The following STEAP3 variants were observed in gnomAD, a reference collection of about 807,000 sequenced individuals.
STEAP3 encodes the protein STEAP3 metalloreductase, also known as metalloreductase STEAP3.
A neutral mutation model predicts 34.9 loss-of-function variants in STEAP3; 35 were observed. That is an observed-to-expected ratio of 1.00 (90% confidence interval 0.76 to 1.33). The LOEUF (loss-of-function observed/expected upper bound fraction) is 1.33. Among genes scored for constraint, STEAP3 ranks in the 40% most tolerant of loss-of-function variants. The pLI, the probability that STEAP3 is intolerant of heterozygous loss-of-function variation, is 0.00. For synonymous variants in STEAP3, 281 were observed against 301.6 expected (o/e 0.93, Z 0.71); for missense variants, 652 against 667.6 (o/e 0.98, Z 0.26).
At position 119,231,041 on chromosome 2, in the gene STEAP3, C is replaced by G; in HGVS notation, c.22+7C>G. The stretch of plus-strand genomic sequence containing the variant: ...TCGCACCAGCCTGCTGTTGGTAAGT[C>G]TGGCTAGGACGCAGATCCAAGGGGG... On this transcript the variant is annotated splice_region_variant and intron_variant, in intron 2 of 5. Transcript: ENST00000393110. 1 of 1,614,148 alleles carries G rather than the reference C, an allele frequency of 6.2e-7. No homozygotes were observed. The highest frequency in any genetic ancestry group is 8.5e-7 in the Non-Finnish European group (1 of 1,180,024).
At chr2:119,257,579 C>T in intron 5 of STEAP3, 5 of 1,542,638 alleles carry the variant, frequency 3.2e-6, no homozygotes, top group Non-Finnish European at 4.4e-6. Context: ...CTCGGAGCTT[C>T]TGCTGCTCAC....
chr2:119,244,255 T>C (rs1677339166), intron 2 of STEAP3, among the ~76,000 whole-genome samples: 1 of 87,790 alleles, frequency 1.1e-5, no homozygotes, highest in Non-Finnish European at 2.6e-5. Context: ...TTATTATTAT[T>C]ATTATTTTGA....
chr2:119,246,961 C>T (rs1252957700), intron 3 of STEAP3: 1 of 152,214 alleles, frequency 6.6e-6, no homozygotes, highest in Non-Finnish European at 1.5e-5. Context: ...TAGTACCTAC[C>T]TGCGGGCTCA....
intron 1 of STEAP3, among the ~76,000 whole-genome samples, chr2:119,227,200 A>G (rs1167214810): frequency 6.6e-6 from 1 of 152,244 alleles, no homozygotes; most frequent in East Asian, 1.9e-4. Flanking sequence ...TGAGTGAGCA[A>G]GGATGCAAAA....
chr2:119,254,838 G>A lies in STEAP3; in HGVS notation c.1205G>A (p.Ser402Asn), dbSNP rs760406679. Residue 402 changes from serine (S) to asparagine (N), a missense_variant, in exon 5 of 6, where the codon AGC becomes AAC. Coordinates refer to ENST00000393110, the MANE Select transcript of STEAP3 (RefSeq NM_182915.3). Reference protein sequence around the residue: ...IANSLNWREFSFVQSSLGFVA... With the variant: ...IANSLNWREFNFVQSSLGFVA... ...AACTCGCTCAACTGGAGGGAGTTCA[G>A]CTTCGTTCAGGTAAAGTAGTCTCTA... The A allele has an allele frequency of 1.4e-5, 23 of 1,613,910 alleles. No individual in the cohort carries two copies. The highest frequency in any genetic ancestry group is 5.3e-5 in the African/African-American group (4 of 74,928).
At chr2:119,240,403 T>C (rs569769143) in intron 2 of STEAP3, among the ~76,000 whole-genome samples, 3 of 152,300 alleles carry the variant, frequency 2.0e-5, no homozygotes, top group Non-Finnish European at 4.4e-5. Flanking sequence ...AGCCTCTGAT[T>C]GCCAGTGGCC....
At chr2:119,241,735 A>C (rs1425822629) in intron 2 of STEAP3, among the ~76,000 whole-genome samples, 2 of 152,218 alleles carry the variant, frequency 1.3e-5, no homozygotes, top group Non-Finnish European at 2.9e-5. Context: ...GGAAGGGAGC[A>C]GATGCCAAGT....
At chr2:119,230,509 G>A (rs1676891925) in intron 1 of STEAP3, 111 bp from the exon 2 acceptor site, 2 of 163,114 alleles carry the variant, frequency 1.2e-5, no homozygotes, top group Non-Finnish European at 2.7e-5. Flanking sequence ...TTCCCCCACA[G>A]AAATTGATAA....
At chr2:119,241,317 G>A (rs571188598) in intron 2 of STEAP3, among the ~76,000 whole-genome samples, 2 of 152,160 alleles carry the variant, frequency 1.3e-5, no homozygotes, top group East Asian at 1.9e-4. Flanking sequence ...CCCACAGCCC[G>A]TGCCTTTAAC....
chr2:119,240,160 C>T (rs1316778798), intron 2 of STEAP3, among the ~76,000 whole-genome samples: 6 of 152,164 alleles, frequency 3.9e-5, no homozygotes, highest in African/African-American at 9.7e-5. Context: ...GTCGAGATCG[C>T]GCCACTGCAC....
chr2:119,244,221 TTATTATTATTA>T (rs1259686687), intron 2 of STEAP3, among the ~76,000 whole-genome samples: 11 of 214 alleles, frequency 0.051, no homozygotes, highest in East Asian at 0.27. Flanking sequence ...TTTACTTTTA[TTATTATTATTA>T]TTATTATTAT....
intron 1 of STEAP3, among the ~76,000 whole-genome samples, chr2:119,227,611 C>A (rs1679081688): frequency 6.6e-6 from 1 of 152,090 alleles, no homozygotes; most frequent in Admixed American, 6.5e-5. Context: ...CATGTTTAAG[C>A]CTTGTTATTA....
At position 119,263,063 on chromosome 2, in the gene STEAP3, C is replaced by T. The variant is rs2104854892; in HGVS notation, c.1222C>T (p.Leu408=). 6.2e-7 allele frequency: 1 copy of T among 1,605,548 alleles called. No individual in the cohort carries two copies. The highest frequency in any genetic ancestry group is 8.5e-7 in the Non-Finnish European group (1 of 1,179,804). Residue 408 remains leucine, a synonymous_variant, in exon 6 of 6, where the codon CTG becomes TTG. Coordinates refer to ENST00000393110, the MANE Select transcript of STEAP3 (RefSeq NM_182915.3). ...CCTTTTTTTCCCTCCACAGTCCTCA[C>T]TGGGCTTTGTGGCCCTCGTGCTGAG... The part of the protein sequence containing the change: ...WREFSFVQSS[L]GFVALVLSTL...
chr2:119,241,135 T>C (rs1349590770), intron 2 of STEAP3, among the ~76,000 whole-genome samples: 2 of 151,546 alleles, frequency 1.3e-5, no homozygotes, highest in African/African-American at 4.9e-5. Context: ...AGAAATGAGC[T>C]CTGAGCTTTT....
chr2:119,230,837 A>G lies in STEAP3; in HGVS notation c.-176A>G. On this transcript the variant is annotated 5_prime_UTR_variant, in exon 2 of 6. Coordinates refer to ENST00000393110, the MANE Select transcript of STEAP3 (RefSeq NM_182915.3). Reference sequence around the variant, plus strand: ...CCCCTGTGGCCAAGAGCTGGCGTGCAGGCTGCGGGAGGCAGCTGGCTGTGC... The same window carrying G: ...CCCCTGTGGCCAAGAGCTGGCGTGCGGGCTGCGGGAGGCAGCTGGCTGTGC... The G allele has an allele frequency of 1.3e-6, 1 of 757,234 alleles. No individual in the cohort carries two copies. Among genetic ancestry groups the G allele is most frequent in the Admixed American group, 2.1e-5 (1 of 47,484 alleles). 46.9% of individuals were successfully genotyped at this position (757,234 alleles called of 1,614,324 possible).
Position 119,254,853 on chromosome 2 carries a change from A to G in STEAP3, c.1215+5A>G, listed in dbSNP as rs1166281267. On this transcript the variant is annotated splice_donor_5th_base_variant and intron_variant, in intron 5 of 5. Transcript: ENST00000393110. ...AGGGAGTTCAGCTTCGTTCAGGTAA[A>G]GTAGTCTCTAGTCTGCCAGCCAGCT... The G allele has an allele frequency of 6.2e-7, 1 of 1,612,900 alleles. No homozygotes were observed. Among genetic ancestry groups the G allele is most frequent in the Non-Finnish European group, 8.5e-7 (1 of 1,179,208 alleles).
At chr2:119,227,163 A>G (rs1403747082) in intron 1 of STEAP3, among the ~76,000 whole-genome samples, 1 of 151,936 alleles carries the variant, frequency 6.6e-6, no homozygotes, top group Non-Finnish European at 1.5e-5. Context: ...ACACGGTGGC[A>G]GTAAGGCTCA....
At chr2:119,239,903 C>T (rs568242079) in intron 2 of STEAP3, among the ~76,000 whole-genome samples, 3 of 152,136 alleles carry the variant, frequency 2.0e-5, no homozygotes, top group Non-Finnish European at 4.4e-5. Context: ...TTACTTATAC[C>T]ACATACAACG....
At position 119,248,010 on chromosome 2, in the gene STEAP3, T is replaced by C. The variant is rs931868085; in HGVS notation, c.854T>C (p.Val285Ala). Residue 285 changes from valine to alanine, a missense_variant, in exon 4 of 6, where the codon GTG (valine) becomes GCG (alanine). By Grantham distance (64) the Val-to-Ala change is moderately conservative. Transcript: ENST00000393110. ...VLLSLVYLPG[V>A]LAAALQLRRG... ...CTGTCACTCGTGTACTTGCCCGGCG[T>C]GCTGGCGGCTGCCCTGCAGCTGCGG... is the stretch of plus-strand genomic sequence containing the variant. 1.2e-6 allele frequency: 2 copies of C among 1,610,886 alleles called. No individual in the cohort carries two copies. The highest frequency in any genetic ancestry group is 1.3e-5 in the African/African-American group (1 of 74,924).
Sources: gnomAD v4.1 joint callset for allele counts (sites outside exome capture counted in the v4.1 genomes callset) on GRCh38, gnomAD v4.1.1 for gene constraint, MANE v1.5 for transcripts, NCBI Gene and HGNC (gene_info 2026-07-23, HGNC 2026-07-21) for gene names.